The following XRRA1 variants were observed in gnomAD, a reference collection of about 807,000 sequenced individuals.
XRRA1 encodes the protein X-ray radiation resistance-associated protein 1.
In XRRA1, 69 loss-of-function variants were observed where a neutral mutation model predicts 80.2. The observed-to-expected ratio is 0.86, with a 90% CI of 0.71 to 1.05. The LOEUF is 1.05. Ranked by LOEUF, XRRA1 falls within the 50% of genes least tolerant of loss-of-function variation. XRRA1 has a pLI of 0.00. For synonymous variants in XRRA1, 348 were observed against 389.9 expected (o/e 0.89, Z 1.27); for missense variants, 967 against 976.4 (o/e 0.99, Z 0.13).
At chr11:74,886,218 C>G (rs2137007585) in intron 10 of XRRA1, among the ~76,000 whole-genome samples, 1 of 152,252 alleles carries the variant, frequency 6.6e-6, no homozygotes, top group South Asian at 2.1e-4. Flanking sequence ...CCAGAGCAAT[C>G]AGGCAGGAGA....
intron 10 of XRRA1, among the ~76,000 whole-genome samples, chr11:74,867,168 A>G (rs1473905948): frequency 6.6e-6 from 1 of 152,174 alleles, no homozygotes; most frequent in Non-Finnish European, 1.5e-5. Flanking sequence ...TGGCAAATCA[A>G]AAAGCCAGAG....
chr11:74,898,684 A>G (rs1267647851), intron 10 of XRRA1, among the ~76,000 whole-genome samples: 2 of 152,202 alleles, frequency 1.3e-5, no homozygotes, highest in African/African-American at 2.4e-5. Flanking sequence ...AGATAATTAT[A>G]TAATGATAAA....
intron 10 of XRRA1, among the ~76,000 whole-genome samples, chr11:74,893,760 G>A (rs1267266137): frequency 2.6e-5 from 4 of 152,162 alleles, no homozygotes; most frequent in Admixed American, 2.6e-4. Context: ...TGCTGTCAAA[G>A]TTGTGGAGTA....
rs1483564916 is a variant in XRRA1, at chr11:74,852,089, T to C, written c.1171-7A>G. ...CAGCATCCTCTTTTGCGATCTGTAA[T>C]GAATGCAGGAGAGACTCTCAGGTTG... On this transcript the variant is annotated splice_region_variant and splice_polypyrimidine_tract_variant and intron_variant, in intron 12 of 18. Transcript: ENST00000684022. 2 of 1,612,338 alleles carry C rather than the reference T, an allele frequency of 1.2e-6. No homozygotes were observed. Among genetic ancestry groups the C allele is most frequent in the African/African-American group, 1.3e-5 (1 of 75,018 alleles).
intron 10 of XRRA1, 149 bp from the exon 11 acceptor site, chr11:74,863,170 A>C (rs1466576462): frequency 2.7e-6 from 2 of 733,652 alleles, no homozygotes; most frequent in Admixed American, 4.3e-5. Flanking sequence ...GCTAACTAGG[A>C]AGAGGAGCTG....
chr11:74,947,344 G>A lies in XRRA1; in HGVS notation c.-73+1584C>T, dbSNP rs565279978. 1.7e-3 allele frequency among the ~76,000 whole-genome samples: 252 copies of A among 152,058 alleles called. 1 individual carries two copies. Among genetic ancestry groups the A allele is most frequent in the African/African-American group, 5.8e-3 (242 of 41,478 alleles). On this transcript the variant is annotated intron_variant, in intron 1 of 18. Transcript: ENST00000684022. ...AGTTCAAGACTAGGCTGTCCAACAC[G>A]GCGAAATCCTGTCTCTACTAAAAAT...
Position 74,906,277 on chromosome 11 carries a change from T to C in XRRA1, c.965A>G (p.Tyr322Cys). Reference protein sequence around the residue: ...MLEDSDEQLDYTVLPMKKDVD... With the variant: ...MLEDSDEQLDCTVLPMKKDVD... ...ATCCTTTTTCATGGGCAGTACAGTA[T>C]AATCCAGTTGCTCATCTGAGTCCTC... is the stretch of plus-strand genomic sequence containing the variant. The change falls in exon 10 of 19, where the codon TAT becomes TGT. Residue 322 changes from tyrosine to cysteine, a missense_variant. Transcript: ENST00000684022. The C allele has an allele frequency of 6.2e-7, 1 of 1,614,004 alleles. No homozygotes were observed.
At chr11:74,851,700 TC>T (rs1401164838) in intron 13 of XRRA1, among the ~76,000 whole-genome samples, 1 of 152,176 alleles carries the variant, frequency 6.6e-6, no homozygotes, top group African/African-American at 2.4e-5. Flanking sequence ...AATTCCATAT[TC>T]CATTCCCAAC....
chr11:74,939,973 A>G (rs908483910), intron 3 of XRRA1, among the ~76,000 whole-genome samples: 1 of 152,180 alleles, frequency 6.6e-6, no homozygotes, highest in African/African-American at 2.4e-5. Flanking sequence ...TGGCCAGGGA[A>G]AGTCTCTGTG....
intron 2 of XRRA1, among the ~76,000 whole-genome samples, chr11:74,942,566 T>C (rs1946541658): frequency 2.0e-5 from 3 of 152,182 alleles, no homozygotes; most frequent in Admixed American, 2.0e-4. Flanking sequence ...TGTTAGCACT[T>C]GGCCTCCACC....
At chr11:74,922,913 C>T (rs1468613538) in intron 7 of XRRA1, among the ~76,000 whole-genome samples, 1 of 152,202 alleles carries the variant, frequency 6.6e-6, no homozygotes, top group Non-Finnish European at 1.5e-5. Context: ...TCATCATCAT[C>T]ATTTCATTCC....
At chr11:74,863,105 CTG>C (rs771287189) in intron 10 of XRRA1, 84 bp from the exon 11 acceptor site, 2 of 1,311,272 alleles carry the variant, frequency 1.5e-6, no homozygotes, top group African/African-American at 2.9e-5. Context: ...CTGCCATCCA[CTG>C]TGTGCAGCAG....
intron 10 of XRRA1, among the ~76,000 whole-genome samples, chr11:74,891,657 ATTGTCTCAGCCCAAAATCTCCT>A (rs1221626063): frequency 6.6e-6 from 1 of 152,174 alleles, no homozygotes; most frequent in Non-Finnish European, 1.5e-5. Context: ...AGAAAACCCC[ATTGTCTCAGCCCAAAATCTCCT>A]TAAGCTGATA....
At chr11:74,888,551 G>A (rs189194177) in intron 10 of XRRA1, among the ~76,000 whole-genome samples, 1 of 152,348 alleles carries the variant, frequency 6.6e-6, no homozygotes, top group Non-Finnish European at 1.5e-5. Flanking sequence ...ACCAGCAACG[G>A]AACAAAGCTG....
rs374925407 is a variant in XRRA1 at position 74,851,978 on chromosome 11, G to A, written c.1264+11C>T. The A allele has an allele frequency of 2.0e-5, 33 of 1,612,180 alleles. No homozygotes were observed. Among genetic ancestry groups the A allele is most frequent in the South Asian group, 5.5e-5 (5 of 91,046 alleles). Reference sequence around the variant, plus strand: ...CTGGGTTGAGAGGGGGCAGGTTTGCGGGCACTATACCTCGTGTATGGGCCA... The same window carrying A: ...CTGGGTTGAGAGGGGGCAGGTTTGCAGGCACTATACCTCGTGTATGGGCCA... On this transcript the variant is annotated intron_variant, in intron 13 of 18. Transcript: ENST00000684022.
rs58135823 is a variant in XRRA1 at position 74,849,105 on chromosome 11, C to A, written c.1381-643G>T. Among the ~76,000 whole-genome samples, 526 of 152,346 alleles carry A rather than the reference C, an allele frequency of 3.5e-3. 3 individuals carry two copies. Among genetic ancestry groups the A allele is most frequent in the South Asian group, 6.6e-3 (32 of 4,830 alleles). ...TCAGCCTCAGCTGCCAGGAGGTGTCCATGTGCCCTCAGCTGGGTTTAGTCC... is the reference window on the plus strand; with the variant it reads ...TCAGCCTCAGCTGCCAGGAGGTGTCAATGTGCCCTCAGCTGGGTTTAGTCC... On this transcript the variant is annotated intron_variant, in intron 14 of 18. Coordinates refer to ENST00000684022, the MANE Select transcript of XRRA1 (RefSeq NM_001378157.1).
intron 11 of XRRA1, among the ~76,000 whole-genome samples, 191 bp from the exon 12 acceptor site, chr11:74,859,474 G>T (rs1476729159): frequency 6.6e-6 from 1 of 152,094 alleles, no homozygotes; most frequent in Non-Finnish European, 1.5e-5. Flanking sequence ...GTTCTCTTAG[G>T]AGAATTAGCT....
chr11:74,921,404 C>T (rs1362436616), intron 7 of XRRA1, 57 bp from the exon 8 acceptor site: 14 of 1,600,836 alleles, frequency 8.7e-6, no homozygotes, highest in Non-Finnish European at 1.0e-5. Context: ...CAACAATGCT[C>T]ATATATGATG....
At chr11:74,936,771 C>G (rs1945086389) in intron 4 of XRRA1, 113 bp downstream of exon 4, 3 of 1,340,452 alleles carry the variant, frequency 2.2e-6, no homozygotes, top group Non-Finnish European at 3.0e-6. Flanking sequence ...CAATATCACT[C>G]TAACAGTTTG....
Sources: allele counts gnomAD v4.1 joint callset (sites outside exome capture counted in the v4.1 genomes callset), GRCh38; gene constraint gnomAD v4.1.1; transcripts MANE v1.5; gene names NCBI Gene and HGNC (gene_info 2026-07-23, HGNC 2026-07-21).